The following MTHFD1L variants were observed in gnomAD, a reference collection of about 807,000 sequenced individuals.
MTHFD1L encodes the protein monofunctional C1-tetrahydrofolate synthase, mitochondrial.
A neutral mutation model predicts 119.5 loss-of-function variants in MTHFD1L; 81 were observed. The ratio of observed to expected loss-of-function variants is 0.68; its 90% CI spans 0.57 to 0.82. The LOEUF is 0.82. MTHFD1L is among the 40% of genes least tolerant of loss of function. The pLI is 0.00. For synonymous variants in MTHFD1L, 430 were observed against 475.2 expected, an observed-to-expected ratio of 0.90 and a Z score of 1.24; for missense variants, 1,125 against 1,253.4, an observed-to-expected ratio of 0.90 and a Z score of 1.55.
rs1477695149 is a variant in MTHFD1L, at chr6:151,039,121, C to T, written c.2847+2004C>T. Among the ~76,000 whole-genome samples, 2 of 152,126 alleles carry T rather than the reference C, an allele frequency of 1.3e-5. No individual in the cohort carries two copies. The highest frequency in any genetic ancestry group is 4.8e-5 in the African/African-American group (2 of 41,428). On this transcript the variant is annotated intron_variant, in intron 26 of 27. Coordinates refer to ENST00000367321, the MANE Select transcript of MTHFD1L (RefSeq NM_015440.5). The surrounding 1 kb of genome is among the most constrained non-coding windows in gnomAD (Gnocchi z 4.4). ...AGTGAAGGAAGACACCCCTGAAACA[C>T]CCACGTTAATGCAGCCGACTCCTAG...
chr6:150,990,608 C>T (rs999452479), intron 20 of MTHFD1L, among the ~76,000 whole-genome samples: 7 of 150,778 alleles, frequency 4.6e-5, no homozygotes, highest in African/African-American at 1.7e-4. Context: ...TACAGGCATG[C>T]GCCACCATGC....
At chr6:151,054,396 C>T (rs1294990080) in intron 26 of MTHFD1L, among the ~76,000 whole-genome samples, 1 of 152,070 alleles carries the variant, frequency 6.6e-6, no homozygotes, top group African/African-American at 2.4e-5. Context: ...AAAAAACACG[C>T]GTCCATAAAT....
intron 25 of MTHFD1L, 114 bp downstream of exon 25, chr6:151,034,714 G>T: frequency 1.4e-6 from 1 of 711,784 alleles, no homozygotes; most frequent in Non-Finnish European, 2.5e-6. Context: ...TTAATCTATT[G>T]TATGGTTAAC....
chr6:150,960,397 T>C lies in MTHFD1L; in HGVS notation c.1926T>C (p.Pro642=). 1 of 1,610,864 alleles carries C rather than the reference T, an allele frequency of 6.2e-7. No individual in the cohort carries two copies. Among genetic ancestry groups the C allele is most frequent in the Non-Finnish European group, 8.5e-7 (1 of 1,178,386 alleles). The change falls in exon 18 of 28, where the codon CCT becomes CCC. Residue 642 remains proline (P), a synonymous_variant. Coordinates refer to ENST00000367321, the MANE Select transcript of MTHFD1L (RefSeq NM_015440.5). ...TGGCCAGTGACAAAAGCGGGCAGCC[T>C]GTGACAGCAGATGATTTGGTGAGTG... ...MVVASDKSGQ[P]VTADDLGVTG...
chr6:150,963,170 C>T (rs537305386), intron 18 of MTHFD1L, among the ~76,000 whole-genome samples: 1 of 152,264 alleles, frequency 6.6e-6, no homozygotes, highest in African/African-American at 2.4e-5. Flanking sequence ...CCCGCCTTGG[C>T]CTCCCAACGT....
chr6:151,045,062 AGTGGGGAGGTGTTT>A (rs1217878499), intron 26 of MTHFD1L, among the ~76,000 whole-genome samples: 7 of 152,262 alleles, frequency 4.6e-5, no homozygotes, highest in Non-Finnish European at 8.8e-5. Flanking sequence ...TTGTGAACTC[AGTGGGGAGGTGTTT>A]CCTCCCCTTT....
chr6:150,917,971 C>T (rs1241459080), intron 8 of MTHFD1L, among the ~76,000 whole-genome samples: 5 of 152,024 alleles, frequency 3.3e-5, no homozygotes, highest in African/African-American at 1.2e-4. Context: ...GATGTTTCTT[C>T]CTGGCTCAGT....
intron 8 of MTHFD1L, among the ~76,000 whole-genome samples, chr6:150,915,230 T>C (rs1188691009): frequency 3.3e-5 from 5 of 152,206 alleles, no homozygotes; most frequent in South Asian, 2.1e-4. Flanking sequence ...TCATAAACTT[T>C]CTTAAAACAC....
chr6:151,041,881 A>G (rs759688797), intron 26 of MTHFD1L: 1 of 507,180 alleles, frequency 2.0e-6, no homozygotes, highest in Non-Finnish European at 4.0e-6. Context: ...GGAAGACCCC[A>G]TGGTGAGATG....
rs181439557 is a variant in MTHFD1L at position 150,896,515 on chromosome 6, T to A, written c.780+8534T>A. On this transcript the variant is annotated intron_variant, in intron 7 of 27. Coordinates refer to ENST00000367321, the MANE Select transcript of MTHFD1L (RefSeq NM_015440.5). ...TGGACCCTCCTGGGCATCACAGCCT[T>A]GTACTTAGCGAGTGGCTGAGGTCAT... 2.0e-5 allele frequency among the ~76,000 whole-genome samples: 3 copies of A among 152,236 alleles called. 1 individual carries two copies. The East Asian group carries it at 5.8e-4, about 29-fold the overall frequency.
At chr6:151,095,101 G>A (rs184374065) in intron 27 of MTHFD1L, among the ~76,000 whole-genome samples, 11 of 152,294 alleles carry the variant, frequency 7.2e-5, no homozygotes, top group East Asian at 1.9e-4. Context: ...GCTGAGGAGC[G>A]GGAGCTGTGT....
At chr6:151,011,364 C>G (rs1782182033) in intron 21 of MTHFD1L, among the ~76,000 whole-genome samples, 1 of 152,176 alleles carries the variant, frequency 6.6e-6, no homozygotes, top group Non-Finnish European at 1.5e-5. Context: ...TTGGAATTCT[C>G]CCTCCCTGCC....
At chr6:151,032,326 GT>G (rs1001505717) in intron 24 of MTHFD1L, among the ~76,000 whole-genome samples, 2 of 152,214 alleles carry the variant, frequency 1.3e-5, no homozygotes, top group African/African-American at 4.8e-5. Flanking sequence ...AGGGCAGAAG[GT>G]GAAGGCGGGG....
intron 11 of MTHFD1L, among the ~76,000 whole-genome samples, chr6:150,934,226 ATAAT>A (rs1198525628): frequency 6.6e-6 from 1 of 152,206 alleles, no homozygotes; most frequent in East Asian, 1.9e-4. Context: ...GAGCGTACAA[ATAAT>A]TAACCCCATA....
At chr6:150,934,234 C>A (rs1269498759) in intron 11 of MTHFD1L, among the ~76,000 whole-genome samples, 1 of 152,200 alleles carries the variant, frequency 6.6e-6, no homozygotes, top group African/African-American at 2.4e-5. Context: ...AAATAATTAA[C>A]CCCATAAATA....
chr6:150,868,934 G>T (rs900281388), intron 1 of MTHFD1L, among the ~76,000 whole-genome samples: 8 of 152,106 alleles, frequency 5.3e-5, no homozygotes, highest in African/African-American at 1.9e-4. Flanking sequence ...CGTGGCGCGT[G>T]CCTGTAGTTC....
chr6:150,914,706 A>G (rs1583527247), intron 8 of MTHFD1L, among the ~76,000 whole-genome samples: 1 of 152,202 alleles, frequency 6.6e-6, no homozygotes, highest in African/African-American at 2.4e-5. Flanking sequence ...GAATAAAGTC[A>G]CCTTACCTAG....
intron 26 of MTHFD1L, among the ~76,000 whole-genome samples, chr6:151,053,732 C>T (rs1372789465): frequency 6.6e-6 from 1 of 151,840 alleles, no homozygotes; most frequent in Non-Finnish European, 1.5e-5. Context: ...TGGTGTTGGA[C>T]TCCTATAATC....
intron 7 of MTHFD1L, among the ~76,000 whole-genome samples, chr6:150,894,369 C>T (rs1411564977): frequency 6.6e-6 from 1 of 152,098 alleles, no homozygotes; most frequent in Non-Finnish European, 1.5e-5. Flanking sequence ...AGAGTGTCTC[C>T]AGCTCTCTGT....
Sources: allele counts gnomAD v4.1 joint callset (sites outside exome capture counted in the v4.1 genomes callset), GRCh38; gene constraint gnomAD v4.1.1; non-coding constraint Gnocchi (gnomAD v3.1); transcripts MANE v1.5; gene names NCBI Gene and HGNC (gene_info 2026-07-23, HGNC 2026-07-21).